Variants in PRR16 observed in about 807,000 individuals in gnomAD.
PRR16 encodes the protein proline rich 16, also known as protein Largen.
Under a neutral mutation model 18.2 loss-of-function variants are expected in PRR16, and 6 were observed. That is an observed-to-expected ratio of 0.33 (90% CI 0.18 to 0.65). The LOEUF is 0.65. Among genes scored for constraint, PRR16 ranks in the 30% least tolerant of loss-of-function variants. The pLI is 0.74. For missense variants in PRR16, 412 were observed against 376.6 expected (o/e 1.09, Z -0.78); for synonymous variants, 151 against 147.8 (o/e 1.02, Z -0.16).
chr5:120,557,056 C>G (rs966120604), intron 1 of PRR16, among the ~76,000 whole-genome samples: 4 of 151,746 alleles, frequency 2.6e-5, no homozygotes, highest in Non-Finnish European at 5.9e-5. Context: ...AACACTGGAC[C>G]CTGGGTGTTT....
the PRR16 span, among the ~76,000 whole-genome samples, chr5:120,726,930 T>C: frequency 6.6e-6 from 1 of 152,102 alleles, no homozygotes; most frequent in African/African-American, 2.4e-5. Flanking sequence ...CAAAATGTTT[T>C]TCTGGTTTTC....
intron 1 of PRR16, among the ~76,000 whole-genome samples, chr5:120,613,701 A>C (rs939656684): frequency 2.6e-5 from 4 of 152,180 alleles, no homozygotes; most frequent in African/African-American, 9.6e-5. Flanking sequence ...CTTTTAAAAT[A>C]CTTTTCCTTT....
intron 1 of PRR16, among the ~76,000 whole-genome samples, chr5:120,590,426 GA>G (rs1219820853): frequency 6.6e-6 from 1 of 152,070 alleles, no homozygotes; most frequent in African/African-American, 2.4e-5. Context: ...TTGTCAGTAA[GA>G]ATTTCTTAAT....
At chr5:120,622,430 T>A (rs1754719855) in intron 1 of PRR16, among the ~76,000 whole-genome samples, 1 of 152,038 alleles carries the variant, frequency 6.6e-6, no homozygotes, top group East Asian at 1.9e-4. Context: ...GACAAGTGTT[T>A]ATTTTTCACA....
At chr5:120,783,644 T>C in the PRR16 span, among the ~76,000 whole-genome samples, 1 of 152,160 alleles carries the variant, frequency 6.6e-6, no homozygotes, top group African/African-American at 2.4e-5. Flanking sequence ...TTGATAGAAG[T>C]GTACAATGTA....
At chr5:120,544,652 C>T (rs1752019927) in intron 1 of PRR16, among the ~76,000 whole-genome samples, 1 of 151,396 alleles carries the variant, frequency 6.6e-6, no homozygotes, top group Admixed American at 6.6e-5. Flanking sequence ...TATTTTATTT[C>T]TTGAAAAAAG....
intron 1 of PRR16, among the ~76,000 whole-genome samples, chr5:120,487,873 G>A (rs546414284): frequency 1.3e-5 from 2 of 152,098 alleles, no homozygotes; most frequent in Non-Finnish European, 1.5e-5. Context: ...GTTGAATTTT[G>A]TCAAAGGCCT....
chr5:120,531,918 C>A (rs1285401065), intron 1 of PRR16, among the ~76,000 whole-genome samples: 9 of 152,086 alleles, frequency 5.9e-5, no homozygotes, highest in African/African-American at 1.9e-4. Flanking sequence ...TGTTAATTAG[C>A]ATGTAATGCA....
intron 1 of PRR16, among the ~76,000 whole-genome samples, chr5:120,512,696 C>G (rs765034866): frequency 6.6e-6 from 1 of 152,070 alleles, no homozygotes; most frequent in Non-Finnish European, 1.5e-5. Context: ...TCCAAACAGC[C>G]TGTGTAACAA....
At chr5:120,785,217 T>A in the PRR16 span, among the ~76,000 whole-genome samples, 1 of 152,204 alleles carries the variant, frequency 6.6e-6, no homozygotes, top group Non-Finnish European at 1.5e-5. Context: ...TGTCTAGGGC[T>A]ACAACCTTTT....
chr5:120,471,049 T>C (rs1399990758), intron 1 of PRR16, among the ~76,000 whole-genome samples: 2 of 152,198 alleles, frequency 1.3e-5, no homozygotes, highest in Non-Finnish European at 2.9e-5. Context: ...GTTTCTTAAA[T>C]TGGGAGTGAA....
At chr5:120,481,660 T>A (rs1370908675) in intron 1 of PRR16, among the ~76,000 whole-genome samples, 1 of 152,172 alleles carries the variant, frequency 6.6e-6, no homozygotes, top group African/African-American at 2.4e-5. Context: ...AAATATAATT[T>A]AAAAATAAGA....
chr5:120,663,296 T>C (rs998280809), intron 1 of PRR16, among the ~76,000 whole-genome samples: 13 of 152,122 alleles, frequency 8.5e-5, no homozygotes, highest in Admixed American at 2.0e-4. Flanking sequence ...TAAGTATTTA[T>C]GCTGTTTGTG....
At chr5:120,545,108 A>G (rs1329752090) in intron 1 of PRR16, among the ~76,000 whole-genome samples, 1 of 152,120 alleles carries the variant, frequency 6.6e-6, no homozygotes, top group Non-Finnish European at 1.5e-5. Context: ...AGACAGAGAT[A>G]TGCTATTTAG....
intron 1 of PRR16, among the ~76,000 whole-genome samples, chr5:120,511,202 T>C (rs1750815057): frequency 6.6e-6 from 1 of 152,172 alleles, no homozygotes; most frequent in Non-Finnish European, 1.5e-5. Flanking sequence ...TAAAAGCCTG[T>C]ACAGGTTGCA....
chr5:120,615,384 C>CTTTTTTTTTTTTTTTTTTTTTTTTTT (rs10717083), intron 1 of PRR16, among the ~76,000 whole-genome samples: 1 of 119,486 alleles, frequency 8.4e-6, no homozygotes, highest in Non-Finnish European at 1.7e-5. Flanking sequence ...TCTTTCTTTT[C>CTTTTTTTTTTTTTTTTTTTTTTTTTT]TTTTTTTTTT....
the PRR16 span, among the ~76,000 whole-genome samples, chr5:120,785,590 T>TTTTTTTTTTTTTTTTG: frequency 2.1e-5 from 3 of 144,406 alleles, no homozygotes; most frequent in Non-Finnish European, 3.1e-5. Context: ...TTTTTTTTTT[T>TTTTTTTTTTTTTTTTG]GAGACAGAGT....
chr5:120,775,693 C>T, the PRR16 span, among the ~76,000 whole-genome samples: 2 of 148,466 alleles, frequency 1.3e-5, no homozygotes, highest in South Asian at 2.2e-4. Context: ...TGCAATGGCA[C>T]ATTCTCGGCT....
At chr5:120,604,735 A>T (rs189268523) in intron 1 of PRR16, among the ~76,000 whole-genome samples, 1 of 152,260 alleles carries the variant, frequency 6.6e-6, no homozygotes, top group Non-Finnish European at 1.5e-5. Context: ...CTGGTTGTAA[A>T]CAATTACCTT....
Sources: gnomAD v4.1 joint callset for allele counts (sites outside exome capture counted in the v4.1 genomes callset) on GRCh38, gnomAD v4.1.1 for gene constraint, MANE v1.5 for transcripts, NCBI Gene and HGNC (gene_info 2026-07-23, HGNC 2026-07-21) for gene names.